The following IQCE variants were observed in gnomAD, a reference collection of about 807,000 sequenced individuals.
IQCE encodes the protein IQ domain-containing protein E.
Under a neutral mutation model 96.0 loss-of-function variants are expected in IQCE, and 115 were observed. That is an observed-to-expected ratio of 1.20 (90% confidence interval 1.03 to 1.40). IQCE has a LOEUF of 1.40. IQCE is among the 40% of genes most tolerant of loss of function. The probability of loss-of-function intolerance (pLI) is 0.00; values close to 1 mark genes in which losing one functional copy is unlikely to be tolerated. For missense variants in IQCE, 1,041 were observed against 909.1 expected, an observed-to-expected ratio of 1.15 and a Z score of -1.87; for synonymous variants, 412 against 371.2, an observed-to-expected ratio of 1.11 and a Z score of -1.26.
chr7:2,607,942 C>T (rs1784948607), intron 21 of IQCE, among the ~76,000 whole-genome samples: 1 of 152,112 alleles, frequency 6.6e-6, no homozygotes, highest in Admixed American at 6.5e-5. Context: ...GTGTGGCGTG[C>T]GGGGCTGTTT....
At chr7:2,606,454 G>T (rs927487324) in intron 20 of IQCE, among the ~76,000 whole-genome samples, 2 of 152,146 alleles carry the variant, frequency 1.3e-5, no homozygotes, top group African/African-American at 4.8e-5. Context: ...GGTTTGCTAG[G>T]ACTCTCGGTT....
At chr7:2,577,793 T>G (rs1242973995) in intron 6 of IQCE, among the ~76,000 whole-genome samples, 5 of 120,052 alleles carry the variant, frequency 4.2e-5, no homozygotes, top group East Asian at 2.7e-4. Context: ...CGTATACGCA[T>G]TGGCGTGTGC....
chr7:2,584,411 C>A, intron 11 of IQCE, 126 bp downstream of exon 11: 1 of 862,960 alleles, frequency 1.2e-6, no homozygotes, highest in Non-Finnish European at 2.0e-6. Context: ...GCTGCCAACA[C>A]TGCACCTGTT....
At chr7:2,560,703 A>T (rs1397704898) in intron 1 of IQCE, among the ~76,000 whole-genome samples, 2 of 151,972 alleles carry the variant, frequency 1.3e-5, no homozygotes, top group South Asian at 2.1e-4. Context: ...CATGCCTGTA[A>T]TCCCAGCACT....
intron 21 of IQCE, among the ~76,000 whole-genome samples, chr7:2,609,700 G>A (rs1241137373): frequency 2.0e-5 from 3 of 151,382 alleles, no homozygotes; most frequent in Admixed American, 6.6e-5. Flanking sequence ...TTTCTAGCAG[G>A]TGTGTAAGTT....
At chr7:2,559,765 T>TGGGGGGGGGGGGG (rs59372092) in intron 1 of IQCE, among the ~76,000 whole-genome samples, 1 of 34,856 alleles carries the variant, frequency 2.9e-5, no homozygotes, top group Admixed American at 4.9e-4. Flanking sequence ...TGCATTCCAG[T>TGGGGGGGGGGGGG]GGGGGGGGGG....
chr7:2,593,295 T>C (rs1057391323), intron 15 of IQCE, among the ~76,000 whole-genome samples, 169 bp downstream of exon 15: 18 of 152,244 alleles, frequency 1.2e-4, no homozygotes, highest in African/African-American at 4.3e-4. Context: ...ACTAACCTCT[T>C]GGTGCTGAGC....
intron 16 of IQCE, 144 bp downstream of exon 16, chr7:2,595,120 A>C: frequency 1.5e-6 from 1 of 650,306 alleles, no homozygotes; most frequent in Non-Finnish European, 2.8e-6. Flanking sequence ...GATTTCTATA[A>C]CTCATGTCGT....
Position 2,611,128 on chromosome 7 carries a change from CTGGGCTGGGCT to C in IQCE, c.*967_*977del, listed in dbSNP as rs1785086299. ...AGCTCCATGGCTGGGCTGGGCTGGG[CTGGGCTGGGCT>C]GGGCCGGGCGTGCGGAGCCTGTGGA... On this transcript the variant is annotated 3_prime_UTR_variant, in exon 22 of 22. Coordinates refer to ENST00000402050, the MANE Select transcript of IQCE (RefSeq NM_152558.5). 1 of 140,026 alleles carries C rather than the reference CTGGGCTGGGCT, an allele frequency of 7.1e-6. No homozygotes were observed. The highest frequency in any genetic ancestry group is 2.6e-5 in the African/African-American group (1 of 38,134). The allele number at this position is 140,026 out of a possible 1,614,324, so 8.7% of individuals were successfully genotyped here. A position where few individuals can be genotyped will look rare whatever the true frequency, so the allele number is the denominator to read the frequency against.
chr7:2,608,246 G>C (rs1371990875), intron 21 of IQCE, among the ~76,000 whole-genome samples: 1 of 152,198 alleles, frequency 6.6e-6, no homozygotes, highest in Non-Finnish European at 1.5e-5. Context: ...CGCTTTCCTG[G>C]GAGATCCCTC....
At chr7:2,579,098 C>T (rs1782449440) in intron 8 of IQCE, among the ~76,000 whole-genome samples, 1 of 150,686 alleles carries the variant, frequency 6.6e-6, no homozygotes, top group Admixed American at 6.6e-5. Flanking sequence ...GCAGCAATAA[C>T]GTCCTTCAGA....
At chr7:2,590,830 C>T (rs1271569804) in intron 14 of IQCE, among the ~76,000 whole-genome samples, 1 of 152,138 alleles carries the variant, frequency 6.6e-6, no homozygotes, top group Non-Finnish European at 1.5e-5. Flanking sequence ...GAGGAATCTT[C>T]AAATTGTCTG....
chr7:2,568,168 C>A (rs1351264043), intron 2 of IQCE, among the ~76,000 whole-genome samples: 2 of 152,240 alleles, frequency 1.3e-5, no homozygotes, highest in Non-Finnish European at 2.9e-5. Flanking sequence ...TGAGCACCCT[C>A]ATGAGGCCAC....
At chr7:2,607,592 T>C (rs1230296610) in intron 21 of IQCE, 8 of 1,195,040 alleles carry the variant, frequency 6.7e-6, no homozygotes, top group Middle Eastern at 3.3e-4. Flanking sequence ...AAACAGTCAG[T>C]GAAGAAGCCG....
rs1782386491 is a variant in IQCE, at chr7:2,578,465, G to T, written c.580-11G>T. ...GAAGGCCGTCTTCATGTCTCAATCT[G>T]CTTACCACAGGGCACGGATTTTGTT... is the stretch of plus-strand genomic sequence containing the variant. On this transcript the variant is annotated splice_polypyrimidine_tract_variant and intron_variant, in intron 7 of 21. Coordinates refer to ENST00000402050, the MANE Select transcript of IQCE (RefSeq NM_152558.5). 1.2e-6 allele frequency: 2 copies of T among 1,614,152 alleles called. No individual in the cohort carries two copies. The highest frequency in any genetic ancestry group is 4.5e-5 in the East Asian group (2 of 44,880).
intron 6 of IQCE, among the ~76,000 whole-genome samples, chr7:2,577,322 C>T (rs550540652): frequency 4.0e-5 from 6 of 150,502 alleles, no homozygotes; most frequent in South Asian, 2.1e-4. Flanking sequence ...GATGTGTGTG[C>T]GGCGTATACA....
chr7:2,581,483 G>A (rs1282213931), intron 8 of IQCE, among the ~76,000 whole-genome samples: 1 of 152,170 alleles, frequency 6.6e-6, no homozygotes, highest in Non-Finnish European at 1.5e-5. Flanking sequence ...TGGGATTATA[G>A]GCGTGAGCCA....
chr7:2,564,876 A>G (rs573553377), intron 1 of IQCE, among the ~76,000 whole-genome samples: 42 of 152,258 alleles, frequency 2.8e-4, no homozygotes, highest in African/African-American at 8.4e-4. Context: ...CCTGTCTGTT[A>G]GGAGCCTGGC....
chr7:2,595,219 G>A (rs113381181), intron 16 of IQCE, among the ~76,000 whole-genome samples: 2,262 of 152,320 alleles, frequency 0.015, 59 homozygotes, highest in African/African-American at 0.052. Context: ...GGTGAGTAAA[G>A]AGTTTTCCAA....
Sources: gnomAD v4.1 joint callset for allele counts (sites outside exome capture counted in the v4.1 genomes callset) on GRCh38, gnomAD v4.1.1 for gene constraint, MANE v1.5 for transcripts, NCBI Gene and HGNC (gene_info 2026-07-23, HGNC 2026-07-21) for gene names.